MUSK: variants seen among roughly 807,000 people sequenced by gnomAD.
MUSK encodes muscle associated receptor tyrosine kinase, also known as muscle, skeletal receptor tyrosine-protein kinase.
In MUSK, 55 loss-of-function variants were observed where a neutral mutation model predicts 88.7. The observed-to-expected ratio is 0.62, with a 90% confidence interval of 0.50 to 0.78. MUSK has a LOEUF of 0.78. MUSK is among the 30% of genes least tolerant of loss of function. The pLI is 0.00. For synonymous variants in MUSK, 387 were observed against 391.9 expected (o/e 0.99, Z 0.15); for missense variants, 1,015 against 1,074.3 (o/e 0.94, Z 0.77).
chr9:110,804,338 C>A lies in MUSK; in HGVS notation c.*3350C>A, dbSNP rs761067696. On this transcript the variant is annotated 3_prime_UTR_variant, in exon 15 of 15. Coordinates refer to ENST00000374448, the MANE Select transcript of MUSK (RefSeq NM_005592.4). ...TATTAACACTTCTGTTATGTGGTTT[C>A]ATATTCTGCAGAAATATTACTGCCA... is the stretch of plus-strand genomic sequence containing the variant. Among the ~76,000 whole-genome samples the A allele has an allele frequency of 1.3e-5, 2 of 152,072 alleles. No individual in the cohort carries two copies. The highest frequency in any genetic ancestry group is 2.4e-5 in the African/African-American group (1 of 41,432).
intron 13 of MUSK, among the ~76,000 whole-genome samples, chr9:110,787,319 G>C (rs1218968115): frequency 7.6e-6 from 1 of 131,034 alleles, no homozygotes; most frequent in Non-Finnish European, 1.5e-5. Context: ...CCTAGATCAT[G>C]CCACTGCACT....
chr9:110,777,676 TCAAA>T (rs935428586), intron 11 of MUSK, among the ~76,000 whole-genome samples: 1 of 152,118 alleles, frequency 6.6e-6, no homozygotes, highest in Non-Finnish European at 1.5e-5. Flanking sequence ...ACTCATCCAT[TCAAA>T]CATTCATTGA....
chr9:110,797,265 A>G (rs1050916789), intron 14 of MUSK, among the ~76,000 whole-genome samples: 1 of 146,756 alleles, frequency 6.8e-6, no homozygotes, highest in Admixed American at 6.9e-5. Context: ...GGAAAAATAA[A>G]TAATTCACAA....
chr9:110,744,835 C>A (rs991217915), intron 6 of MUSK, among the ~76,000 whole-genome samples: 5 of 152,144 alleles, frequency 3.3e-5, no homozygotes, highest in African/African-American at 1.2e-4. Context: ...GACGTAGTCA[C>A]CTCAATTAAG....
intron 7 of MUSK, among the ~76,000 whole-genome samples, chr9:110,754,961 T>C (rs1036372695): frequency 5.3e-5 from 8 of 152,238 alleles, no homozygotes; most frequent in Non-Finnish European, 7.3e-5. Flanking sequence ...GTTGACATCA[T>C]TGGCATCACC....
intron 11 of MUSK, among the ~76,000 whole-genome samples, chr9:110,777,687 T>C (rs1463657983): frequency 2.0e-5 from 3 of 152,074 alleles, no homozygotes; most frequent in African/African-American, 7.2e-5. Flanking sequence ...CAAACATTCA[T>C]TGAGGGTTTG....
Position 110,785,024 on chromosome 9 carries a change from T to G in MUSK, c.1586+8T>G. On this transcript the variant is annotated splice_region_variant and intron_variant, in intron 12 of 14. Transcript: ENST00000374448. ...ATGGAAAAATAAGAAAAGGTGAGAT[T>G]CTAGTTTCAGCTAACCATGTGTAGT... 6.2e-7 allele frequency: 1 copy of G among 1,612,410 alleles called. No homozygotes were observed.
At chr9:110,785,438 A>C in intron 12 of MUSK, 89 bp from the exon 13 acceptor site, 1 of 1,133,260 alleles carries the variant, frequency 8.8e-7, no homozygotes, top group East Asian at 2.5e-5. Context: ...CATTACTCTT[A>C]AATGCCATAT....
intron 6 of MUSK, among the ~76,000 whole-genome samples, 165 bp from the exon 7 acceptor site, chr9:110,747,476 T>A (rs1464964248): frequency 6.6e-6 from 1 of 152,182 alleles, no homozygotes; most frequent in African/African-American, 2.4e-5. Context: ...AGCTACAAAG[T>A]CACATTGCAA....
chr9:110,690,270 GTACAAATATATAAATATA>G (rs1303517372), intron 3 of MUSK, among the ~76,000 whole-genome samples: 3 of 95,258 alleles, frequency 3.1e-5, no homozygotes, highest in African/African-American at 8.7e-5. Context: ...ATATATTTAA[GTACAAATATATAAATATA>G]TATAAATATA....
intron 14 of MUSK, among the ~76,000 whole-genome samples, chr9:110,797,417 G>A (rs111820802): frequency 7.2e-5 from 11 of 151,942 alleles, no homozygotes; most frequent in African/African-American, 2.7e-4. Context: ...GATTATGGGA[G>A]GTATACAAAT....
chr9:110,695,603 T>G, intron 4 of MUSK, 73 bp downstream of exon 4: 1 of 1,213,298 alleles, frequency 8.2e-7, no homozygotes, highest in Non-Finnish European at 1.1e-6. Context: ...CACACTCAGT[T>G]ACACACTTAC....
intron 1 of MUSK, among the ~76,000 whole-genome samples, chr9:110,675,807 C>A (rs1043087604): frequency 1.3e-5 from 2 of 151,478 alleles, no homozygotes; most frequent in African/African-American, 2.4e-5. Flanking sequence ...TGGTCCTCCC[C>A]GCCTCGGCCT....
In MUSK at chr9:110,763,518, T is replaced by C. The variant is rs180915501; in HGVS notation, c.920+1310T>C. Among the ~76,000 whole-genome samples the C allele has an allele frequency of 1.5e-4, 23 of 152,244 alleles. 1 individual carries two copies. In the East Asian group the frequency reaches 4.4e-3, roughly 29 times the overall value. ...GCTGACCCCTGCCTTGGAGAATAAA[T>C]TATATACAAAGACACTAGACGCGAA... is the stretch of plus-strand genomic sequence containing the variant. On this transcript the variant is annotated intron_variant, in intron 8 of 14. Transcript: ENST00000374448.
At chr9:110,683,818 G>A (rs10817070) in intron 2 of MUSK, among the ~76,000 whole-genome samples, 58,967 of 151,792 alleles carry the variant, frequency 0.39, 12,798 homozygotes, top group Non-Finnish European at 0.48. Context: ...GCCTATTTTT[G>A]ATTGGATTAA....
At chr9:110,780,557 C>A (rs2132005699) in intron 11 of MUSK, among the ~76,000 whole-genome samples, 1 of 152,306 alleles carries the variant, frequency 6.6e-6, no homozygotes, top group East Asian at 1.9e-4. Flanking sequence ...GAGACAGAAT[C>A]CCTGAAGCCT....
chr9:110,694,398 AAAAAAAAACAAAAAAAC>A lies in MUSK; in HGVS notation c.359-1000_359-984del, dbSNP rs1472427542. On this transcript the variant is annotated intron_variant, in intron 3 of 14. Transcript: ENST00000374448. ...GAGACTCCGTCTCAAAAAAAAAAAAAAAAAAAAACAAAAAAACAAAACCCAACAGGTCATGAAGGCTT... is the reference window on the plus strand; with the variant it reads ...GAGACTCCGTCTCAAAAAAAAAAAAAAAAACCCAACAGGTCATGAAGGCTT... Among the ~76,000 whole-genome samples, 98 of 145,584 alleles carry A rather than the reference AAAAAAAAACAAAAAAAC, an allele frequency of 6.7e-4. 1 individual carries two copies. The highest frequency in any genetic ancestry group is 2.5e-3 in the African/African-American group (92 of 37,384).
intron 14 of MUSK, among the ~76,000 whole-genome samples, chr9:110,789,398 T>C (rs2077933492): frequency 6.6e-6 from 1 of 152,212 alleles, no homozygotes; most frequent in Non-Finnish European, 1.5e-5. Context: ...GCTGTGCAGA[T>C]GAGTGAATGG....
In MUSK at chr9:110,801,048, A is replaced by G. The variant is rs920072544; in HGVS notation, c.*60A>G. The G allele has an allele frequency of 6.4e-6, 9 of 1,398,512 alleles. No individual in the cohort carries two copies. The Admixed American group carries it at 2.5e-4, about 39-fold the overall frequency. The allele number at this position is 1,398,512 out of a possible 1,614,324, so 86.6% of individuals were successfully genotyped here. The stretch of plus-strand genomic sequence containing the variant: ...CTCTCAGACTCTGTGAGCCAGGGGA[A>G]TCCTACACCAGAGGCCCAACAAGAC... On this transcript the variant is annotated 3_prime_UTR_variant, in exon 15 of 15. Coordinates refer to ENST00000374448, the MANE Select transcript of MUSK (RefSeq NM_005592.4).
Sources: gnomAD v4.1 joint callset for allele counts (sites outside exome capture counted in the v4.1 genomes callset) on GRCh38, gnomAD v4.1.1 for gene constraint, MANE v1.5 for transcripts, NCBI Gene and HGNC (gene_info 2026-07-23, HGNC 2026-07-21) for gene names.